The following NUP133 variants were observed in gnomAD, a reference collection of about 807,000 sequenced individuals.
The protein encoded by NUP133 is nuclear pore complex protein Nup133.
NUP133 carries 66 observed loss-of-function variants against 146.2 expected under a neutral mutation model. That is an observed-to-expected ratio of 0.45 (90% CI 0.37 to 0.55). NUP133 has a LOEUF of 0.55. Ranked by LOEUF, NUP133 falls within the 20% of genes least tolerant of loss-of-function variation. The probability of loss-of-function intolerance (pLI) is 0.00; values close to 1 mark genes in which losing one functional copy is unlikely to be tolerated. For synonymous variants in NUP133, 521 were observed against 498.8 expected, an observed-to-expected ratio of 1.04 and a Z score of -0.59; for missense variants, 1,277 against 1,374.8, an observed-to-expected ratio of 0.93 and a Z score of 1.12.
chr1:229,502,508 G>A (rs187489785), intron 2 of NUP133, among the ~76,000 whole-genome samples: 5 of 132,466 alleles, frequency 3.8e-5, no homozygotes, highest in Non-Finnish European at 7.6e-5. Flanking sequence ...CCAGTGAGCC[G>A]AGATCGTGCC....
chr1:229,486,573 C>G, intron 10 of NUP133, 45 bp from the exon 11 acceptor site: 1 of 1,551,446 alleles, frequency 6.4e-7, no homozygotes, highest in Non-Finnish European at 8.7e-7. Flanking sequence ...ACAATAACAA[C>G]AAAATGCTAT....
At chr1:229,476,112 A>C (rs1661067995) in intron 13 of NUP133, among the ~76,000 whole-genome samples, 1 of 151,926 alleles carries the variant, frequency 6.6e-6, no homozygotes, top group Non-Finnish European at 1.5e-5. Flanking sequence ...GGTCTCAAAA[A>C]AGAAAAGGGA....
chr1:229,498,318 C>T lies in NUP133; in HGVS notation c.649-12G>A, dbSNP rs2102783733. 5 of 1,562,132 alleles carry T rather than the reference C, an allele frequency of 3.2e-6. No individual in the cohort carries two copies. The highest frequency in any genetic ancestry group is 4.3e-6 in the Non-Finnish European group (5 of 1,160,092). On this transcript the variant is annotated splice_polypyrimidine_tract_variant and intron_variant, in intron 5 of 25. Coordinates refer to ENST00000261396, the MANE Select transcript of NUP133 (RefSeq NM_018230.3). ...ATAAAACTTCCTCCCTGTGAAAAAA[C>T]ATTATGAGGTTAGTTCAGTTTAGCA...
At chr1:229,442,431 C>G (rs957757880) in intron 25 of NUP133, among the ~76,000 whole-genome samples, 58 of 152,146 alleles carry the variant, frequency 3.8e-4, no homozygotes, top group Non-Finnish European at 1.5e-5. Context: ...AATGTGTTTA[C>G]AGTATAAATC....
chr1:229,502,148 TTTA>T lies in NUP133; in HGVS notation c.302-49_302-47del, dbSNP rs770082215. On this transcript the variant is annotated intron_variant, in intron 2 of 25. Transcript: ENST00000261396. ...GGTGATTAATCTTATAGTATAAATCTTTATTACCACACGCTTTATCAAAAAAAA... is the reference window on the plus strand; with the variant it reads ...GGTGATTAATCTTATAGTATAAATCTTTACCACACGCTTTATCAAAAAAAA... 44 of 1,363,948 alleles carry T rather than the reference TTTA, an allele frequency of 3.2e-5. No individual in the cohort carries two copies. In the East Asian group the frequency reaches 1.0e-3, roughly 31 times the overall value. 84.5% of individuals were successfully genotyped at this position (1,363,948 alleles called of 1,614,324 possible).
intron 6 of NUP133, among the ~76,000 whole-genome samples, chr1:229,497,921 ATC>A (rs1280028878): frequency 5.3e-5 from 8 of 152,254 alleles, no homozygotes; most frequent in African/African-American, 1.9e-4. Context: ...TTGTGAGATA[ATC>A]TGTCTGATTT....
chr1:229,477,517 A>T, intron 13 of NUP133, 80 bp downstream of exon 13: 3 of 1,106,178 alleles, frequency 2.7e-6, no homozygotes, highest in Non-Finnish European at 3.7e-6. Context: ...GAAGCTAAAA[A>T]ATATGCTTTA....
At chr1:229,465,030 C>T (rs926382971) in intron 17 of NUP133, among the ~76,000 whole-genome samples, 155 bp from the exon 18 acceptor site, 4 of 152,152 alleles carry the variant, frequency 2.6e-5, no homozygotes, top group African/African-American at 7.2e-5. Flanking sequence ...TGCTTGAATC[C>T]CATCTTCTCC....
intron 4 of NUP133, 88 bp from the exon 5 acceptor site, chr1:229,499,906 G>A (rs1661753919): frequency 2.1e-6 from 3 of 1,431,060 alleles, no homozygotes; most frequent in East Asian, 4.7e-5. Flanking sequence ...AAAGAAACAG[G>A]ACAATTTACT....
At chr1:229,462,550 G>C (rs923655529) in intron 19 of NUP133, among the ~76,000 whole-genome samples, 5 of 151,822 alleles carry the variant, frequency 3.3e-5, no homozygotes, top group Non-Finnish European at 7.4e-5. Flanking sequence ...ACTTAAGATA[G>C]TGTCACAATG....
intron 19 of NUP133, 138 bp downstream of exon 19, chr1:229,463,405 T>C (rs1266329615): frequency 1.0e-6 from 1 of 969,750 alleles, no homozygotes. Context: ...ACATACAAAT[T>C]AGTATCTTCT....
chr1:229,462,198 T>C (rs1660709036), intron 19 of NUP133, among the ~76,000 whole-genome samples: 1 of 152,228 alleles, frequency 6.6e-6, no homozygotes, highest in African/African-American at 2.4e-5. Flanking sequence ...AACTGATCTT[T>C]GATGAAGTAA....
Position 229,452,548 on chromosome 1 carries a change from A to G in NUP133, c.3076T>C (p.Leu1026=). ...ACACCAATGAGTTGTGGTGCAGTCAATACTGGCATCGCACTGAGATTTAGC... is the reference window on the plus strand; with the variant it reads ...ACACCAATGAGTTGTGGTGCAGTCAGTACTGGCATCGCACTGAGATTTAGC... ...KQLNLSAMPV[L]TAPQLIGLYI... is the part of the protein sequence containing the mutation. The change falls in exon 22 of 26, where the codon TTG becomes CTG. Residue 1026 remains leucine, a synonymous_variant. Transcript: ENST00000261396. The G allele has an allele frequency of 6.2e-7, 1 of 1,613,840 alleles. No individual in the cohort carries two copies. Among genetic ancestry groups the G allele is most frequent in the African/African-American group, 1.3e-5 (1 of 75,048 alleles).
chr1:229,470,154 C>T (rs1250634502), intron 15 of NUP133, among the ~76,000 whole-genome samples: 1 of 151,450 alleles, frequency 6.6e-6, no homozygotes, highest in African/African-American at 2.4e-5. Flanking sequence ...GTCAGGAGTT[C>T]GACATCAAAC....
At chr1:229,487,373 G>T in intron 10 of NUP133, 93 bp downstream of exon 10, 2 of 1,215,774 alleles carry the variant, frequency 1.6e-6, no homozygotes, top group Non-Finnish European at 2.3e-6. Flanking sequence ...TTTGAAAGCA[G>T]CATGCTTGAA....
intron 25 of NUP133, among the ~76,000 whole-genome samples, chr1:229,443,227 T>C (rs932721633): frequency 3.0e-5 from 4 of 132,292 alleles, no homozygotes; most frequent in Non-Finnish European, 4.9e-5. Context: ...TCTGTAGAGG[T>C]GGGGGTCTTG....
chr1:229,472,271 A>G lies in NUP133; in HGVS notation c.1852-1467T>C, dbSNP rs1193363550. Among the ~76,000 whole-genome samples the G allele has an allele frequency of 1.6e-4, 24 of 148,734 alleles. No homozygotes were observed. In the Admixed American group the frequency reaches 1.6e-3, roughly 10 times the overall value. On this transcript the variant is annotated intron_variant, in intron 14 of 25. Transcript: ENST00000261396. ...GAAGCGGAGCTTGCAGTGAGCAGAGATTGCGCCACTGCACTCCAGCCTGGG... is the reference window on the plus strand; with the variant it reads ...GAAGCGGAGCTTGCAGTGAGCAGAGGTTGCGCCACTGCACTCCAGCCTGGG...
chr1:229,482,236 T>C (rs1399343609), intron 12 of NUP133, among the ~76,000 whole-genome samples: 2 of 152,098 alleles, frequency 1.3e-5, no homozygotes, highest in African/African-American at 4.8e-5. Context: ...TAAAAGCACT[T>C]TGGAATCTGT....
At chr1:229,467,341 CT>C (rs767148643) in intron 15 of NUP133, among the ~76,000 whole-genome samples, 4 of 152,190 alleles carry the variant, frequency 2.6e-5, no homozygotes, top group African/African-American at 7.2e-5. Flanking sequence ...TGCACTTAAG[CT>C]TTCCCCCCAT....
Sources: gnomAD v4.1 joint callset for allele counts (sites outside exome capture counted in the v4.1 genomes callset) on GRCh38, gnomAD v4.1.1 for gene constraint, MANE v1.5 for transcripts, NCBI Gene and HGNC (gene_info 2026-07-23, HGNC 2026-07-21) for gene names.